Variants in RBFOX1 observed in about 807,000 individuals in gnomAD.
RBFOX1 encodes the protein RNA binding protein fox-1 homolog 1.
In RBFOX1, 8 loss-of-function variants were observed where a neutral mutation model predicts 57.7. The observed-to-expected ratio is 0.14, with a 90% CI of 0.08 to 0.25. The LOEUF is 0.25. Ranked by LOEUF, RBFOX1 falls within the 10% of genes least tolerant of loss-of-function variation. The pLI, the probability that RBFOX1 is intolerant of heterozygous loss-of-function variation, is 1.00. For missense variants in RBFOX1, 611 were observed against 548.5 expected, an observed-to-expected ratio of 1.11 and a Z score of -1.14; for synonymous variants, 326 against 222.4, an observed-to-expected ratio of 1.47 and a Z score of -4.15.
chr16:7,205,817 C>T (rs73539662), intron 4 of RBFOX1, among the ~76,000 whole-genome samples: 2,204 of 152,342 alleles, frequency 0.014, 65 homozygotes, highest in African/African-American at 0.05. Flanking sequence ...TGAAACCTTA[C>T]CACTGAGAGA....
At chr16:7,511,640 A>C (rs2152060403) in intron 4 of RBFOX1, among the ~76,000 whole-genome samples, 1 of 151,986 alleles carries the variant, frequency 6.6e-6, no homozygotes, top group Admixed American at 6.5e-5. Flanking sequence ...TGCTTTTATG[A>C]ATCAGACTTG....
intron 4 of RBFOX1, among the ~76,000 whole-genome samples, chr16:7,343,119 C>T (rs549620970): frequency 6.6e-6 from 1 of 152,196 alleles, no homozygotes; most frequent in South Asian, 2.1e-4. Context: ...CACCCACACC[C>T]CTGTTCCATG....
intron 3 of RBFOX1, among the ~76,000 whole-genome samples, chr16:7,029,073 TATATATATACACACACACACACACAC>T (rs2041936244): frequency 6.6e-5 from 3 of 45,642 alleles, no homozygotes; most frequent in African/African-American, 6.4e-4. Flanking sequence ...TATATATATA[TATATATATACACACACACACACACAC>T]ACACACACAC....
At chr16:7,178,090 C>G (rs980324138) in intron 4 of RBFOX1, among the ~76,000 whole-genome samples, 2 of 152,204 alleles carry the variant, frequency 1.3e-5, no homozygotes, top group African/African-American at 4.8e-5. Context: ...GGATATGCTG[C>G]TGTTACAAAT....
At chr16:6,180,345 T>G (rs1021770467) in intron 1 of RBFOX1, among the ~76,000 whole-genome samples, 5 of 152,024 alleles carry the variant, frequency 3.3e-5, no homozygotes, top group Admixed American at 6.6e-5. Flanking sequence ...TCTTGAAATT[T>G]TGGTAGTTTG....
Position 6,316,180 on chromosome 16 carries a change from C to G in RBFOX1, c.-126-815C>G, listed in dbSNP as rs546587297. Among the ~76,000 whole-genome samples the G allele has an allele frequency of 2.0e-5, 3 of 148,850 alleles. No individual in the cohort carries two copies. In the South Asian group the frequency reaches 6.4e-4, roughly 32 times the overall value. Reference sequence around the variant, plus strand: ...AGAGGAAACAAGTCAGTATCCCAACCCCCTTGGGTATAGGATGCCGTAAAC... The same window carrying G: ...AGAGGAAACAAGTCAGTATCCCAACGCCCTTGGGTATAGGATGCCGTAAAC... On this transcript the variant is annotated intron_variant, in intron 1 of 15. Transcript: ENST00000550418.
chr16:7,240,273 A>T (rs550140775), intron 4 of RBFOX1, among the ~76,000 whole-genome samples: 4 of 152,066 alleles, frequency 2.6e-5, no homozygotes, highest in Admixed American at 2.6e-4. Context: ...TGCCGAATCT[A>T]TAAGATTTAA....
chr16:5,458,599 C>G lies in RBFOX1; in HGVS notation c.220-8617C>G, dbSNP rs183230888. On this transcript the variant is annotated intron_variant, in intron 1 of 2. Transcript: ENST00000585867. ...GCAAGGCCTCACAGCCTAGACTGGG[C>G]CATCCCAGCCACATTCTTAACTATG... is the stretch of plus-strand genomic sequence containing the variant. Among the ~76,000 whole-genome samples the G allele has an allele frequency of 3.4e-4, 52 of 152,302 alleles. No homozygotes were observed. The East Asian group carries it at 9.8e-3, about 29-fold the overall frequency.
At chr16:7,690,531 G>T (rs769708097) in intron 14 of RBFOX1, among the ~76,000 whole-genome samples, 52 of 152,116 alleles carry the variant, frequency 3.4e-4, no homozygotes, top group Non-Finnish European at 1.3e-4. Context: ...GGTGCATTTT[G>T]AAGTTTAAAT....
At chr16:5,663,458 G>T (rs891004087) in intron 3 of RBFOX1, among the ~76,000 whole-genome samples, 1 of 151,598 alleles carries the variant, frequency 6.6e-6, no homozygotes, top group Non-Finnish European at 1.5e-5. Flanking sequence ...TCCCACTTCA[G>T]CCCCCGAAAA....
At chr16:5,810,960 C>T (rs1258212378) in intron 3 of RBFOX1, among the ~76,000 whole-genome samples, 2 of 152,068 alleles carry the variant, frequency 1.3e-5, no homozygotes, top group Non-Finnish European at 2.9e-5. Context: ...GTGAAACCAT[C>T]ACCACAGTCA....
chr16:5,752,781 C>T (rs943555565), intron 3 of RBFOX1, among the ~76,000 whole-genome samples: 1 of 152,136 alleles, frequency 6.6e-6, no homozygotes, highest in Non-Finnish European at 1.5e-5. Context: ...CATACTCACT[C>T]CTCTACTTTG....
intron 13 of RBFOX1, among the ~76,000 whole-genome samples, chr16:7,670,808 C>T (rs2071171653): frequency 6.6e-6 from 1 of 152,174 alleles, no homozygotes; most frequent in South Asian, 2.1e-4. Context: ...TTATTTCAAA[C>T]TGTGACCACT....
At chr16:5,516,273 A>G (rs1030609199) in intron 2 of RBFOX1, among the ~76,000 whole-genome samples, 1 of 151,666 alleles carries the variant, frequency 6.6e-6, no homozygotes, top group Non-Finnish European at 1.5e-5. Flanking sequence ...ATTATTTCCT[A>G]TCTTCCATCA....
intron 9 of RBFOX1, among the ~76,000 whole-genome samples, chr16:7,598,470 A>C (rs1420599838): frequency 6.6e-6 from 1 of 152,156 alleles, no homozygotes; most frequent in East Asian, 1.9e-4. Context: ...TAAAATTTTA[A>C]TTGCACATGG....
intron 3 of RBFOX1, among the ~76,000 whole-genome samples, chr16:6,949,808 CTG>C (rs2080322360): frequency 6.6e-6 from 1 of 151,428 alleles, no homozygotes; most frequent in East Asian, 1.9e-4. Flanking sequence ...TTTTTTTTTT[CTG>C]TGTGTGTATG....
chr16:7,475,818 A>G (rs1313699194), intron 4 of RBFOX1, among the ~76,000 whole-genome samples: 1 of 152,144 alleles, frequency 6.6e-6, no homozygotes, highest in Non-Finnish European at 1.5e-5. Flanking sequence ...TATTAATTTG[A>G]ATATATGTTG....
At chr16:7,541,354 T>C (rs564011342) in intron 5 of RBFOX1, among the ~76,000 whole-genome samples, 11 of 152,338 alleles carry the variant, frequency 7.2e-5, no homozygotes, top group Non-Finnish European at 1.3e-4. Flanking sequence ...AGCAGCATTT[T>C]CCTCTTTCAG....
intron 5 of RBFOX1, among the ~76,000 whole-genome samples, chr16:7,549,414 AC>A (rs1242005566): frequency 6.6e-6 from 1 of 152,220 alleles, no homozygotes; most frequent in African/African-American, 2.4e-5. Flanking sequence ...CATGAAGAGT[AC>A]CTGTATTACG....
Sources: gnomAD v4.1 joint callset for allele counts (sites outside exome capture counted in the v4.1 genomes callset) on GRCh38, gnomAD v4.1.1 for gene constraint, MANE v1.5 for transcripts, NCBI Gene and HGNC (gene_info 2026-07-23, HGNC 2026-07-21) for gene names.